Variants in OR51E2 observed in about 807,000 individuals in gnomAD.
OR51E2 encodes olfactory receptor 51E2.
A neutral mutation model predicts 13.7 loss-of-function variants in OR51E2; 14 were observed. That is an observed-to-expected ratio of 1.02 (90% CI 0.68 to 1.60). OR51E2 has a LOEUF of 1.60. OR51E2 is among the 40% of genes most tolerant of loss of function. The pLI is 0.00. For synonymous variants in OR51E2, 180 were observed against 157.6 expected, an observed-to-expected ratio of 1.14 and a Z score of -1.07; for missense variants, 483 against 413.8, an observed-to-expected ratio of 1.17 and a Z score of -1.45.
chr11:4,686,936 G>A (rs1316003427), intron 1 of OR51E2, among the ~76,000 whole-genome samples: 1 of 152,140 alleles, frequency 6.6e-6, no homozygotes, highest in Non-Finnish European at 1.5e-5. Context: ...GTTAGCATTT[G>A]TGAGGTGAGG....
intron 1 of OR51E2, among the ~76,000 whole-genome samples, chr11:4,683,736 T>C (rs1241980055): frequency 6.6e-6 from 1 of 152,240 alleles, no homozygotes; most frequent in African/African-American, 2.4e-5. Context: ...GACATTTCTT[T>C]TTTAGAAGCC....
At chr11:4,691,590 A>G (rs764328644) in intron 1 of OR51E2, 3 of 456,552 alleles carry the variant, frequency 6.6e-6, no homozygotes, top group South Asian at 3.1e-5. Context: ...GAGAGCAGTT[A>G]CAGAGAGGAA....
At chr11:4,684,269 G>T (rs1847490720) in intron 1 of OR51E2, among the ~76,000 whole-genome samples, 1 of 152,092 alleles carries the variant, frequency 6.6e-6, no homozygotes, top group Non-Finnish European at 1.5e-5. Context: ...TCCCATATTT[G>T]GCTCCCAGTT....
chr11:4,690,808 T>C (rs1463731338), intron 1 of OR51E2: 1 of 435,090 alleles, frequency 2.3e-6, no homozygotes, highest in East Asian at 7.0e-5. Context: ...CGTATCTGTT[T>C]GGTTTTCACA....
At chr11:4,691,081 T>C in intron 1 of OR51E2, 1 of 456,716 alleles carries the variant, frequency 2.2e-6, no homozygotes, top group Non-Finnish European at 4.4e-6. Flanking sequence ...ACACCAACAG[T>C]AGAGAACATG....
Position 4,682,240 on chromosome 11 carries a change from G to A in OR51E2, c.472C>T (p.Leu158=), listed in dbSNP as rs1261330073. The A allele has an allele frequency of 6.2e-7, 1 of 1,614,122 alleles. No homozygotes were observed. The change falls in exon 2 of 2, where the codon CTG becomes TTG. Residue 158 remains leucine (L), a synonymous_variant. Coordinates refer to ENST00000396950, the MANE Select transcript of OR51E2 (RefSeq NM_030774.4). ...GCCAGCCGCTTGATCAGCAGAGGCA[G>A]TGGGAAAAAAAAGAGGGATCCGCGG... ...VVRGSLFFFP[L]PLLIKRLAFC... is the part of the protein sequence containing the mutation.
intron 1 of OR51E2, chr11:4,691,180 C>T: frequency 2.2e-6 from 1 of 456,628 alleles, no homozygotes; most frequent in South Asian, 1.5e-5. Flanking sequence ...TGGTGGAGTA[C>T]TTGGCTGTGG....
intron 1 of OR51E2, among the ~76,000 whole-genome samples, chr11:4,697,055 C>G (rs1847664116): frequency 6.6e-6 from 1 of 152,206 alleles, no homozygotes; most frequent in South Asian, 2.1e-4. Context: ...CTTACTATGT[C>G]ATCATGTGAC....
intron 1 of OR51E2, chr11:4,691,213 G>A (rs1847574122): frequency 2.2e-6 from 1 of 456,696 alleles, no homozygotes; most frequent in Non-Finnish European, 4.4e-6. Context: ...CTTATAAGAA[G>A]TGCTACCATT....
At chr11:4,691,266 A>G in intron 1 of OR51E2, 2 of 457,116 alleles carry the variant, frequency 4.4e-6, no homozygotes, top group Non-Finnish European at 8.8e-6. Context: ...TGCCACTCCA[A>G]TTTGAGCTAT....
At chr11:4,697,203 G>A (rs1847665615) in intron 1 of OR51E2, among the ~76,000 whole-genome samples, 1 of 152,120 alleles carries the variant, frequency 6.6e-6, no homozygotes, top group African/African-American at 2.4e-5. Flanking sequence ...TAATTCCAAA[G>A]CTCGTGCTCT....
At chr11:4,695,740 C>A (rs1387677385) in intron 1 of OR51E2, among the ~76,000 whole-genome samples, 1 of 151,690 alleles carries the variant, frequency 6.6e-6, no homozygotes, top group Non-Finnish European at 1.5e-5. Flanking sequence ...TTGAAACTTT[C>A]TCCTTCATTA....
Position 4,682,576 on chromosome 11 carries a change from A to C in OR51E2, c.136T>G (p.Phe46Val), listed in dbSNP as rs781606570. The stretch of plus-strand genomic sequence containing the variant: ...AGGCTGCGTTCCGTCCTTACGATGA[A>C]GACCACGATGCAGTTTCCAAACATT... ...VAMFGNCIVV[F>V]IVRTERSLHA... Residue 46 changes from phenylalanine to valine, a missense_variant, in exon 2 of 2, where the codon TTC becomes GTC. Physicochemically the swap from Phe to Val is conservative, Grantham distance 50. Transcript: ENST00000396950. The C allele has an allele frequency of 6.2e-7, 1 of 1,614,208 alleles. No homozygotes were observed. The highest frequency in any genetic ancestry group is 1.1e-5 in the South Asian group (1 of 91,076).
intron 1 of OR51E2, among the ~76,000 whole-genome samples, chr11:4,683,255 T>G (rs1471709773): frequency 1.3e-5 from 2 of 152,146 alleles, no homozygotes; most frequent in African/African-American, 4.8e-5. Context: ...TGTTTAGACT[T>G]GAAACATGAG....
chr11:4,682,082 T>C lies in OR51E2; in HGVS notation c.630A>G (p.Val210=). 6.2e-7 allele frequency: 1 copy of C among 1,614,152 alleles called. No homozygotes were observed. ...TAILLVMGVD[V]MFISLSYFLI... ...GAAAATAGGACAAGGAGATGAACAT[T>C]ACGTCCACGCCCATGACCAGCAGAA... is the stretch of plus-strand genomic sequence containing the variant. Residue 210 remains valine (V), a synonymous_variant, in exon 2 of 2, where the codon GTA becomes GTG. Coordinates refer to ENST00000396950, the MANE Select transcript of OR51E2 (RefSeq NM_030774.4).
Position 4,682,027 on chromosome 11 carries a change from A to G in OR51E2, c.685T>C (p.Ser229Pro), listed in dbSNP as rs1415336906. 3 of 1,614,132 alleles carry G rather than the reference A, an allele frequency of 1.9e-6. No individual in the cohort carries two copies. In the African/African-American group the frequency reaches 4.0e-5, roughly 22 times the overall value. Reference protein sequence around the residue: ...LIIRTVLQLPSKSERAKAFGT... With the variant: ...LIIRTVLQLPPKSERAKAFGT... The stretch of plus-strand genomic sequence containing the variant: ...AAGGCCTTGGCCCGCTCTGACTTGG[A>G]AGGCAGTTGCAGAACCGTTCGTATT... The change falls in exon 2 of 2, where the codon TCC becomes CCC. Residue 229 changes from serine (S) to proline (P), a missense_variant. Coordinates refer to ENST00000396950, the MANE Select transcript of OR51E2 (RefSeq NM_030774.4).
intron 1 of OR51E2, among the ~76,000 whole-genome samples, chr11:4,686,179 C>G (rs886732483): frequency 6.6e-6 from 1 of 152,154 alleles, no homozygotes. Flanking sequence ...TCATACACAC[C>G]TACCCAAACA....
At position 4,681,464 on chromosome 11, in the gene OR51E2, C is replaced by T. The variant is rs191677153; in HGVS notation, c.*285G>A. ...ATTAGTAATTTGAGCACATTTCCTC[C>T]AAGGCATATGCTATTTTTCAACTTG... On this transcript the variant is annotated 3_prime_UTR_variant, in exon 2 of 2. Transcript: ENST00000396950. 1.3e-3 allele frequency: 497 copies of T among 387,106 alleles called. 1 individual carries two copies. The Middle Eastern group carries it at 0.013, about 10-fold the overall frequency. 24.0% of individuals were successfully genotyped at this position (387,106 alleles called of 1,614,324 possible). A position where few individuals can be genotyped will look rare whatever the true frequency, so the allele number is the denominator to read the frequency against.
chr11:4,681,468 G>C lies in OR51E2; in HGVS notation c.*281C>G, dbSNP rs1847449200. The C allele has an allele frequency of 4.9e-6, 2 of 405,316 alleles. No homozygotes were observed. The highest frequency in any genetic ancestry group is 8.8e-6 in the Non-Finnish European group (2 of 226,254). 25.1% of individuals were successfully genotyped at this position (405,316 alleles called of 1,614,324 possible). A position where few individuals can be genotyped will look rare whatever the true frequency, so the allele number is the denominator to read the frequency against. ...GTAATTTGAGCACATTTCCTCCAAG[G>C]CATATGCTATTTTTCAACTTGGTTT... is the stretch of plus-strand genomic sequence containing the variant. On this transcript the variant is annotated 3_prime_UTR_variant, in exon 2 of 2. Transcript: ENST00000396950.
Sources: allele counts gnomAD v4.1 joint callset (sites outside exome capture counted in the v4.1 genomes callset), GRCh38; gene constraint gnomAD v4.1.1; transcripts MANE v1.5; gene names NCBI Gene and HGNC (gene_info 2026-07-23, HGNC 2026-07-21).